CANX: variants seen among roughly 807,000 people sequenced by gnomAD.
CANX encodes the protein epididymis secretory sperm binding protein.
In CANX, 14 loss-of-function variants were observed where a neutral mutation model predicts 75.7. The observed-to-expected ratio is 0.19, with a 90% CI of 0.12 to 0.29. CANX has a LOEUF of 0.29. Among genes scored for constraint, CANX ranks in the 10% least tolerant of loss-of-function variants. CANX has a pLI of 1.00. For missense variants in CANX, 567 were observed against 713.2 expected (o/e 0.79, Z 2.34); for synonymous variants, 227 against 236.9 (o/e 0.96, Z 0.38).
At chr5:179,719,837 T>A in intron 9 of CANX, 56 bp downstream of exon 9, 1 of 997,510 alleles carries the variant, frequency 1.0e-6, no homozygotes, top group Non-Finnish European at 1.5e-6. Context: ...TGTTTTTTTT[T>A]TTGAGATGGA....
chr5:179,720,640 C>T (rs59666900), intron 10 of CANX, 80 bp downstream of exon 10: 545,594 of 1,302,394 alleles, frequency 0.42, 118,534 homozygotes, highest in South Asian at 0.56. Flanking sequence ...GTAAGGCTGC[C>T]AGGTTGGTCA....
At chr5:179,723,503 G>T in intron 11 of CANX, 157 bp from the exon 12 acceptor site, 1 of 696,150 alleles carries the variant, frequency 1.4e-6, no homozygotes. Flanking sequence ...AGAGGATGGA[G>T]GCTTTCTCTA....
chr5:179,702,167 C>CTGAG (rs34536035), intron 1 of CANX, among the ~76,000 whole-genome samples: 21,722 of 151,772 alleles, frequency 0.14, 1,591 homozygotes, highest in East Asian at 0.24. Flanking sequence ...CCTCAGTCTC[C>CTGAG]TGAGTAGCTG....
intron 1 of CANX, 35 bp downstream of exon 1, chr5:179,699,137 G>T: frequency 1.0e-6 from 1 of 1,004,780 alleles, no homozygotes. Flanking sequence ...CCTCGGGCCT[G>T]TGAGGACCTC....
Position 179,730,377 on chromosome 5 carries a change from G to A in CANX, c.*1733G>A, listed in dbSNP as rs1303527122. The A allele has an allele frequency of 1.3e-5, 2 of 152,054 alleles. No homozygotes were observed. The highest frequency in any genetic ancestry group is 2.1e-4 in the South Asian group (1 of 4,830). 9.4% of individuals were successfully genotyped at this position (152,054 alleles called of 1,614,324 possible). A position where few individuals can be genotyped will look rare whatever the true frequency, so the allele number is the denominator to read the frequency against. ...TTTCCTTTTCATCTGTTGTTCTGTG[G>A]TCACAGTGACCTTAGCTACATAGCA... On this transcript the variant is annotated 3_prime_UTR_variant, in exon 15 of 15. Transcript: ENST00000247461.
In CANX at chr5:179,729,332, T is replaced by A. The variant is rs1464052506; in HGVS notation, c.*688T>A. The stretch of plus-strand genomic sequence containing the variant: ...AAAGTGTGTGTGTTCTGTAGCTCAG[T>A]TCCCAGACAGCTTTTTAGGTAGTGG... On this transcript the variant is annotated 3_prime_UTR_variant, in exon 15 of 15. Transcript: ENST00000247461. The A allele has an allele frequency of 6.5e-6, 1 of 153,470 alleles. No homozygotes were observed. Among genetic ancestry groups the A allele is most frequent in the Non-Finnish European group, 1.5e-5 (1 of 68,650 alleles). 9.5% of individuals were successfully genotyped at this position (153,470 alleles called of 1,614,324 possible). A position where few individuals can be genotyped will look rare whatever the true frequency, so the allele number is the denominator to read the frequency against.
chr5:179,719,895 C>G, intron 9 of CANX, 114 bp downstream of exon 9: 3 of 632,962 alleles, frequency 4.7e-6, no homozygotes, highest in Admixed American at 2.8e-5. Flanking sequence ...AGTTTCGGCT[C>G]ACTGCAACTT....
intron 1 of CANX, among the ~76,000 whole-genome samples, chr5:179,684,456 T>C (rs933528009): frequency 1.3e-5 from 2 of 150,838 alleles, no homozygotes; most frequent in Admixed American, 6.6e-5. Context: ...TCTCCTTCCT[T>C]AGCCTCCTGA....
At chr5:179,697,441 CCA>C (rs1302248912), upstream of CANX, among the ~76,000 whole-genome samples, 2 of 152,194 alleles carry the variant, frequency 1.3e-5, no homozygotes, top group Non-Finnish European at 1.5e-5. Flanking sequence ...CTCCATAGTA[CCA>C]CAGTCTTTTG....
chr5:179,714,892 G>C (rs1290771637), intron 7 of CANX, among the ~76,000 whole-genome samples: 1 of 151,974 alleles, frequency 6.6e-6, no homozygotes, highest in Admixed American at 6.6e-5. Context: ...AGCCTCCCAA[G>C]TAGTTGGGTT....
At position 179,699,784 on chromosome 5, in the gene CANX, G is replaced by A. The variant is rs571974974; in HGVS notation, c.-4+682G>A. 3.9e-5 allele frequency: 6 copies of A among 152,378 alleles called. No individual in the cohort carries two copies. In the East Asian group the frequency reaches 9.7e-4, roughly 25 times the overall value. 9.4% of individuals were successfully genotyped at this position (152,378 alleles called of 1,614,324 possible). A position where few individuals can be genotyped will look rare whatever the true frequency, so the allele number is the denominator to read the frequency against. On this transcript the variant is annotated intron_variant, in intron 1 of 14. Coordinates refer to ENST00000247461, the MANE Select transcript of CANX (RefSeq NM_001746.4). ...GGAGGCCTGGAGGTATGAAATGACT[G>A]GCCCAAGGTCATGCGATTAGTGTAC...
At chr5:179,703,963 CTGTG>C (rs1476777460) in intron 1 of CANX, among the ~76,000 whole-genome samples, 1 of 152,088 alleles carries the variant, frequency 6.6e-6, no homozygotes, top group Non-Finnish European at 1.5e-5. Flanking sequence ...GATTGGGTGA[CTGTG>C]TGGGCAGAGG....
At chr5:179,723,921 T>C in intron 12 of CANX, 142 bp downstream of exon 12, 1 of 685,170 alleles carries the variant, frequency 1.5e-6, no homozygotes, top group Admixed American at 3.3e-5. Flanking sequence ...TTCAGAAACC[T>C]TACTTACTGT....
At position 179,720,119 on chromosome 5, in the gene CANX, C is replaced by T. The variant is rs1305530781; in HGVS notation, c.1026-285C>T. Among the ~76,000 whole-genome samples the T allele has an allele frequency of 1.3e-5, 2 of 152,154 alleles. 1 individual carries two copies. The highest frequency in any genetic ancestry group is 1.3e-4 in the Admixed American group (2 of 15,274). ...GTGCTGGGATTACAGGCGTGAGCCACCACACCCAGCATAAGTTACCTGTTT... is the reference window on the plus strand; with the variant it reads ...GTGCTGGGATTACAGGCGTGAGCCATCACACCCAGCATAAGTTACCTGTTT... On this transcript the variant is annotated intron_variant, in intron 9 of 14. Transcript: ENST00000247461.
At chr5:179,682,206 T>G (rs1236234357) in intron 1 of CANX, among the ~76,000 whole-genome samples, 2 of 148,160 alleles carry the variant, frequency 1.3e-5, no homozygotes, top group Non-Finnish European at 3.0e-5. Context: ...GAGCGAAGAT[T>G]GTGCCACTGC....
At chr5:179,722,395 G>T (rs868041003) in intron 10 of CANX, among the ~76,000 whole-genome samples, 21 of 152,238 alleles carry the variant, frequency 1.4e-4, no homozygotes, top group African/African-American at 4.8e-4. Flanking sequence ...GGTGTATGTT[G>T]TGAGTATTTC....
chr5:179,708,204 G>A, intron 4 of CANX, 35 bp from the exon 5 acceptor site: 1 of 1,602,256 alleles, frequency 6.2e-7, no homozygotes, highest in Non-Finnish European at 8.5e-7. Context: ...CAGAGGTAGA[G>A]TTAAGCAGTG....
chr5:179,690,751 C>T (rs894994454), intron 1 of CANX, among the ~76,000 whole-genome samples: 11 of 147,014 alleles, frequency 7.5e-5, no homozygotes, highest in African/African-American at 1.8e-4. Flanking sequence ...TAGCCGGGCG[C>T]GGTGGCATGC....
chr5:179,711,270 G>GA (rs11430340), intron 7 of CANX, among the ~76,000 whole-genome samples: 44,616 of 151,546 alleles, frequency 0.29, 6,810 homozygotes, highest in Non-Finnish European at 0.34. Flanking sequence ...AAAATCTTAA[G>GA]AATTAACTGA....
Sources: gnomAD v4.1 joint callset for allele counts (sites outside exome capture counted in the v4.1 genomes callset) on GRCh38, gnomAD v4.1.1 for gene constraint, MANE v1.5 for transcripts, NCBI Gene and HGNC (gene_info 2026-07-23, HGNC 2026-07-21) for gene names.